The following STX8 variants were observed in gnomAD, a reference collection of about 807,000 sequenced individuals.
STX8 encodes syntaxin-8.
Under a neutral mutation model 37.5 loss-of-function variants are expected in STX8, and 23 were observed. That is an observed-to-expected ratio of 0.61 (90% CI 0.44 to 0.87). STX8 has a LOEUF of 0.87. Ranked by LOEUF, STX8 falls within the 40% of genes least tolerant of loss-of-function variation. The pLI, the probability that STX8 is intolerant of heterozygous loss-of-function variation, is 0.00. For synonymous variants in STX8, 115 were observed against 99.1 expected (o/e 1.16, Z -0.95); for missense variants, 313 against 284.7 (o/e 1.10, Z -0.71).
intron 7 of STX8, among the ~76,000 whole-genome samples, chr17:9,309,047 TA>T (rs1909099976): frequency 6.6e-6 from 1 of 151,828 alleles, no homozygotes; most frequent in Non-Finnish European, 1.5e-5. Context: ...GCTTATTCTT[TA>T]AATTCTGACT....
chr17:9,532,926 GA>G (rs1310275068), intron 4 of STX8, among the ~76,000 whole-genome samples: 2 of 152,064 alleles, frequency 1.3e-5, no homozygotes, highest in African/African-American at 4.8e-5. Context: ...ATAAAGACTG[GA>G]AAAAAATGTG....
chr17:9,334,194 C>T (rs982677856), intron 7 of STX8, among the ~76,000 whole-genome samples: 7 of 152,076 alleles, frequency 4.6e-5, no homozygotes, highest in Admixed American at 3.3e-4. Flanking sequence ...GTTTCTCAAT[C>T]TGGGTGGTGC....
intron 6 of STX8, among the ~76,000 whole-genome samples, chr17:9,382,889 T>C (rs1335288437): frequency 6.6e-6 from 1 of 152,204 alleles, no homozygotes; most frequent in African/African-American, 2.4e-5. Context: ...GACTGGATGT[T>C]GGTGTGCCTT....
intron 6 of STX8, among the ~76,000 whole-genome samples, chr17:9,391,269 C>G (rs1912209830): frequency 7.1e-6 from 1 of 139,902 alleles, no homozygotes; most frequent in African/African-American, 3.1e-5. Context: ...GCCCGGCCAA[C>G]ATGGTGAAAC....
At chr17:9,424,920 C>A (rs1361174318) in intron 6 of STX8, among the ~76,000 whole-genome samples, 1 of 152,000 alleles carries the variant, frequency 6.6e-6, no homozygotes, top group Non-Finnish European at 1.5e-5. Context: ...TATAAATCAT[C>A]CAAAGCAAAG....
intron 7 of STX8, among the ~76,000 whole-genome samples, chr17:9,263,529 A>T (rs571819295): frequency 2.0e-5 from 3 of 152,194 alleles, no homozygotes; most frequent in African/African-American, 7.2e-5. Context: ...TTTTTCACTT[A>T]ATTTGTCTTA....
intron 6 of STX8, chr17:9,452,583 A>G (rs1395499956): frequency 6.6e-6 from 1 of 152,042 alleles, no homozygotes; most frequent in Non-Finnish European, 1.5e-5. Context: ...CTTGGGGCAA[A>G]TGGTCCCCCA....
At chr17:9,274,053 C>T (rs538821985) in intron 7 of STX8, among the ~76,000 whole-genome samples, 55 of 152,280 alleles carry the variant, frequency 3.6e-4, no homozygotes, top group Non-Finnish European at 6.5e-4. Context: ...TGACCATAAC[C>T]GGTACTTACT....
In STX8 at chr17:9,279,654, A is replaced by C. The variant is rs1236961395; in HGVS notation, c.644-29009T>G. 3.9e-5 allele frequency among the ~76,000 whole-genome samples: 6 copies of C among 152,154 alleles called. No homozygotes were observed. In the East Asian group the frequency reaches 1.2e-3, roughly 29 times the overall value. ...CCAGCTCTAGACTAGACTATGATGGACTTCTCACTGTCTTCCCTGCTACAG... is the reference window on the plus strand; with the variant it reads ...CCAGCTCTAGACTAGACTATGATGGCCTTCTCACTGTCTTCCCTGCTACAG... On this transcript the variant is annotated intron_variant, in intron 7 of 7. Coordinates refer to ENST00000306357, the MANE Select transcript of STX8 (RefSeq NM_004853.3).
chr17:9,395,001 G>A (rs1597644914), intron 6 of STX8, among the ~76,000 whole-genome samples: 1 of 151,322 alleles, frequency 6.6e-6, no homozygotes, highest in African/African-American at 2.4e-5. Flanking sequence ...ACTTGAACCC[G>A]GGAGGCAGAG....
chr17:9,434,771 T>C (rs1567559582), intron 6 of STX8, among the ~76,000 whole-genome samples: 1 of 152,240 alleles, frequency 6.6e-6, no homozygotes, highest in Non-Finnish European at 1.5e-5. Flanking sequence ...CAGCAGCATA[T>C]GGGCTGTTGG....
chr17:9,383,246 CA>C lies in STX8; in HGVS notation c.542-4594del, dbSNP rs1911880252. On this transcript the variant is annotated intron_variant, in intron 6 of 7. Transcript: ENST00000306357. ...ATATAGCAGCTTGAATAGAACAAGA[CA>C]ACAACCTAGCACAAAAGTTTTTAGG... Among the ~76,000 whole-genome samples, 3 of 152,174 alleles carry C rather than the reference CA, an allele frequency of 2.0e-5. No homozygotes were observed. In the South Asian group the frequency reaches 6.2e-4, roughly 31 times the overall value.
chr17:9,468,537 T>C (rs1905713288), intron 6 of STX8, among the ~76,000 whole-genome samples: 1 of 152,200 alleles, frequency 6.6e-6, no homozygotes, highest in Non-Finnish European at 1.5e-5. Context: ...TAATACTCCA[T>C]ACCTAACAAT....
At chr17:9,314,368 A>C (rs1909304187) in intron 7 of STX8, among the ~76,000 whole-genome samples, 1 of 152,006 alleles carries the variant, frequency 6.6e-6, no homozygotes, top group South Asian at 2.1e-4. Flanking sequence ...AGATCATGAG[A>C]TTGGGAATAT....
At chr17:9,431,335 C>T (rs527758327) in intron 6 of STX8, among the ~76,000 whole-genome samples, 6 of 151,042 alleles carry the variant, frequency 4.0e-5, no homozygotes, top group Non-Finnish European at 7.4e-5. Flanking sequence ...TCCCAAAGTG[C>T]TGGGATTACA....
chr17:9,532,187 G>C (rs1905847487), intron 4 of STX8, among the ~76,000 whole-genome samples: 1 of 151,556 alleles, frequency 6.6e-6, no homozygotes, highest in South Asian at 2.1e-4. Flanking sequence ...TCCGGACTAA[G>C]TAGCTACAGA....
intron 4 of STX8, among the ~76,000 whole-genome samples, chr17:9,514,327 G>A (rs1031392276): frequency 2.6e-5 from 4 of 152,112 alleles, no homozygotes; most frequent in African/African-American, 9.7e-5. Context: ...ATGATAGGCT[G>A]GGTGCGGTGG....
chr17:9,261,450 C>T lies in STX8; in HGVS notation c.644-10805G>A, dbSNP rs529014303. ...GTATACCTGGCTCTTCCTGGGTCTG[C>T]GGGTCTCATGAGAAAGGCAGAAAAA... is the stretch of plus-strand genomic sequence containing the variant. On this transcript the variant is annotated intron_variant, in intron 7 of 7. Coordinates refer to ENST00000306357, the MANE Select transcript of STX8 (RefSeq NM_004853.3). Among the ~76,000 whole-genome samples the T allele has an allele frequency of 5.3e-5, 8 of 152,240 alleles. No homozygotes were observed. In the South Asian group the frequency reaches 1.2e-3, roughly 24 times the overall value.
chr17:9,325,805 G>A (rs1173339245), intron 7 of STX8, among the ~76,000 whole-genome samples: 1 of 152,270 alleles, frequency 6.6e-6, no homozygotes, highest in Non-Finnish European at 1.5e-5. Flanking sequence ...GGCCACATGG[G>A]CCAGATACTG....
Sources: gnomAD v4.1 joint callset for allele counts (sites outside exome capture counted in the v4.1 genomes callset) on GRCh38, gnomAD v4.1.1 for gene constraint, MANE v1.5 for transcripts, NCBI Gene and HGNC (gene_info 2026-07-23, HGNC 2026-07-21) for gene names.